THSD7B: variants seen among roughly 807,000 people sequenced by gnomAD.
THSD7B encodes the protein thrombospondin type 1 domain containing 7B.
A neutral mutation model predicts 213.6 loss-of-function variants in THSD7B; 138 were observed. The observed-to-expected ratio is 0.65, with a 90% confidence interval of 0.56 to 0.74. The LOEUF is 0.74. THSD7B is among the 30% of genes least tolerant of loss of function. THSD7B has a pLI of 0.00. For missense variants in THSD7B, 1,931 were observed against 1,991.5 expected, an observed-to-expected ratio of 0.97 and a Z score of 0.58; for synonymous variants, 742 against 687.0, an observed-to-expected ratio of 1.08 and a Z score of -1.25.
intron 2 of THSD7B, among the ~76,000 whole-genome samples, chr2:136,888,965 G>C (rs1683769406): frequency 6.6e-6 from 1 of 151,892 alleles, no homozygotes; most frequent in Non-Finnish European, 1.5e-5. Flanking sequence ...GTGTGTGTGT[G>C]TGTGCTTGTG....
chr2:137,095,666 G>A (rs568161879), intron 4 of THSD7B, among the ~76,000 whole-genome samples: 43 of 152,184 alleles, frequency 2.8e-4, no homozygotes, highest in African/African-American at 9.9e-4. Context: ...GAGAATATTC[G>A]AGAAAGGATT....
At chr2:137,539,773 A>G (rs952444225) in intron 15 of THSD7B, among the ~76,000 whole-genome samples, 4 of 151,810 alleles carry the variant, frequency 2.6e-5, no homozygotes, top group South Asian at 2.1e-4. Flanking sequence ...GACACATGCA[A>G]CTTCGTGGAT....
intron 5 of THSD7B, among the ~76,000 whole-genome samples, chr2:137,117,729 C>A (rs1378691727): frequency 6.6e-6 from 1 of 152,132 alleles, no homozygotes; most frequent in Non-Finnish European, 1.5e-5. Context: ...AATTTACAAT[C>A]TTGGGGGGGA....
intron 1 of THSD7B, among the ~76,000 whole-genome samples, chr2:136,794,420 C>A (rs1184634019): frequency 6.6e-6 from 1 of 151,762 alleles, no homozygotes; most frequent in South Asian, 2.1e-4. Flanking sequence ...TCATTCACTT[C>A]AAACATTTTG....
intron 10 of THSD7B, among the ~76,000 whole-genome samples, chr2:137,252,141 C>A (rs78790872): frequency 8.8e-4 from 134 of 151,724 alleles, no homozygotes; most frequent in African/African-American, 2.9e-3. Context: ...GTAGCACATG[C>A]CTGTAATCCC....
intron 20 of THSD7B, among the ~76,000 whole-genome samples, chr2:137,626,247 G>T (rs1478693825): frequency 6.6e-6 from 1 of 152,116 alleles, no homozygotes; most frequent in Non-Finnish European, 1.5e-5. Flanking sequence ...CGGATCACGA[G>T]GTCAGGAGAT....
At chr2:137,620,151 G>A (rs189334252) in intron 19 of THSD7B, among the ~76,000 whole-genome samples, 6 of 152,180 alleles carry the variant, frequency 3.9e-5, no homozygotes, top group Admixed American at 3.9e-4. Context: ...TTTAGCCCAG[G>A]CTTTTTTATA....
rs114229663 is a variant in THSD7B at position 137,009,075 on chromosome 2, C to T, written c.140-47345C>T. Among the ~76,000 whole-genome samples, 664 of 152,278 alleles carry T rather than the reference C, an allele frequency of 4.4e-3. 5 individuals are homozygous for T. Among genetic ancestry groups the T allele is most frequent in the African/African-American group, 0.015 (636 of 41,548 alleles). On this transcript the variant is annotated intron_variant, in intron 2 of 27. Coordinates refer to ENST00000409968, the MANE Select transcript of THSD7B (RefSeq NM_001316349.2). ...CACTAACTCTTTGAGGCTATGTGAT[C>T]TCTGGCAGCAATGCTTAAAACATAG...
At chr2:137,323,198 A>G (rs1684298391) in intron 12 of THSD7B, among the ~76,000 whole-genome samples, 1 of 152,208 alleles carries the variant, frequency 6.6e-6, no homozygotes, top group African/African-American at 2.4e-5. Flanking sequence ...AGATTCTACA[A>G]AATGGAAGAG....
intron 7 of THSD7B, among the ~76,000 whole-genome samples, chr2:137,175,157 A>T (rs1379181010): frequency 1.3e-5 from 2 of 152,190 alleles, no homozygotes; most frequent in Admixed American, 1.3e-4. Flanking sequence ...CACAATGCAA[A>T]GTGGGCAGAA....
intron 3 of THSD7B, among the ~76,000 whole-genome samples, chr2:137,069,885 G>A (rs1307324007): frequency 6.7e-6 from 1 of 149,846 alleles, no homozygotes; most frequent in Non-Finnish European, 1.5e-5. Context: ...CATATATATA[G>A]CTATATATAA....
chr2:136,960,391 G>T (rs993787736), intron 2 of THSD7B, among the ~76,000 whole-genome samples: 4 of 152,080 alleles, frequency 2.6e-5, no homozygotes, highest in Admixed American at 2.6e-4. Flanking sequence ...TTCCCACCTT[G>T]GCCGCTTGAA....
chr2:137,440,334 T>C (rs1351872393), intron 14 of THSD7B, among the ~76,000 whole-genome samples: 1 of 152,088 alleles, frequency 6.6e-6, no homozygotes, highest in Non-Finnish European at 1.5e-5. Context: ...CTTTTGAAGA[T>C]TTCAGACTAG....
intron 1 of THSD7B, among the ~76,000 whole-genome samples, chr2:136,774,767 A>C (rs987717196): frequency 3.3e-4 from 50 of 152,120 alleles, no homozygotes; most frequent in Non-Finnish European, 2.2e-4. Flanking sequence ...TATGTGCATG[A>C]TTATTAGATG....
intron 4 of THSD7B, among the ~76,000 whole-genome samples, chr2:137,114,689 A>G (rs558248309): frequency 2.6e-5 from 4 of 152,206 alleles, no homozygotes; most frequent in Non-Finnish European, 5.9e-5. Flanking sequence ...TATATTTACG[A>G]CTTTACACAT....
intron 1 of THSD7B, among the ~76,000 whole-genome samples, chr2:136,809,015 G>A (rs552854963): frequency 6.6e-6 from 1 of 152,338 alleles, no homozygotes; most frequent in South Asian, 2.1e-4. Flanking sequence ...TACCTTCTAT[G>A]TGCTGGGCCT....
chr2:137,373,898 G>A (rs1477589394), intron 12 of THSD7B, among the ~76,000 whole-genome samples: 9 of 152,178 alleles, frequency 5.9e-5, no homozygotes, highest in Admixed American at 5.9e-4. Context: ...AAGGGATCCA[G>A]TTTCAGCTTT....
chr2:137,029,044 AGAT>A (rs1686608648), intron 2 of THSD7B, among the ~76,000 whole-genome samples: 1 of 149,712 alleles, frequency 6.7e-6, no homozygotes, highest in Admixed American at 6.7e-5. Flanking sequence ...TTTGTTACTT[AGAT>A]GTTATAAGCA....
chr2:136,941,082 A>G (rs1392213308), intron 2 of THSD7B, among the ~76,000 whole-genome samples: 2 of 151,808 alleles, frequency 1.3e-5, no homozygotes, highest in East Asian at 3.9e-4. Flanking sequence ...TTCAATTCCT[A>G]TGTATGAGTG....
Sources: gnomAD v4.1 joint callset for allele counts (sites outside exome capture counted in the v4.1 genomes callset) on GRCh38, gnomAD v4.1.1 for gene constraint, MANE v1.5 for transcripts, NCBI Gene and HGNC (gene_info 2026-07-23, HGNC 2026-07-21) for gene names.